Variants in RBPMS observed in about 807,000 individuals in gnomAD.
The protein encoded by RBPMS is RNA binding protein, mRNA processing factor, also known as RNA-binding protein with multiple splicing.
RBPMS carries 7 observed loss-of-function variants against 26.8 expected under a neutral mutation model. The ratio of observed to expected loss-of-function variants is 0.26; its 90% CI spans 0.15 to 0.49. The LOEUF (loss-of-function observed/expected upper bound fraction) is 0.49, where lower values mean the gene tolerates loss of function less well. Among genes scored for constraint, RBPMS ranks in the 20% least tolerant of loss-of-function variants. The pLI is 0.98. For synonymous variants in RBPMS, 96 were observed against 93.3 expected (o/e 1.03, Z -0.17); for missense variants, 186 against 250.0 (o/e 0.74, Z 1.73).
At chr8:30,456,380 G>C (rs1286230467) in intron 1 of RBPMS, among the ~76,000 whole-genome samples, 1 of 49,002 alleles carries the variant, frequency 2.0e-5, no homozygotes, top group African/African-American at 4.8e-5. Flanking sequence ...GTTGAGGGAT[G>C]AGGTGTAAGG....
chr8:30,558,805 G>T (rs930922310), intron 6 of RBPMS, 82 bp from the exon 7 acceptor site: 18 of 1,161,258 alleles, frequency 1.6e-5, no homozygotes, highest in Non-Finnish European at 2.2e-5. Flanking sequence ...CAGTAGGGAA[G>T]TGGTAGCCAA....
At chr8:30,542,613 ATGGGCCACAG>A (rs996911762) in intron 5 of RBPMS, among the ~76,000 whole-genome samples, 1 of 152,236 alleles carries the variant, frequency 6.6e-6, no homozygotes, top group Non-Finnish European at 1.5e-5. Flanking sequence ...ACAGACAAGC[ATGGGCCACAG>A]TGTACTGAGG....
chr8:30,475,157 T>C (rs989613014), intron 2 of RBPMS, among the ~76,000 whole-genome samples: 1 of 152,134 alleles, frequency 6.6e-6, no homozygotes, highest in Non-Finnish European at 1.5e-5. Context: ...ATGAACTGAG[T>C]TAAGAACCTA....
chr8:30,430,485 G>C (rs190793357), intron 1 of RBPMS, among the ~76,000 whole-genome samples: 47 of 152,156 alleles, frequency 3.1e-4, no homozygotes, highest in African/African-American at 1.1e-3. Context: ...AAAACATCTT[G>C]TACTGAGTTT....
At chr8:30,391,707 A>G (rs1175531418) in intron 1 of RBPMS, among the ~76,000 whole-genome samples, 1 of 152,142 alleles carries the variant, frequency 6.6e-6, no homozygotes, top group Non-Finnish European at 1.5e-5. Flanking sequence ...TTATTGCACT[A>G]TATTTTCTAT....
intron 1 of RBPMS, among the ~76,000 whole-genome samples, chr8:30,421,578 A>G (rs1454142266): frequency 6.6e-6 from 1 of 152,192 alleles, no homozygotes; most frequent in Non-Finnish European, 1.5e-5. Flanking sequence ...CAAATTTTCT[A>G]GGTACCTACT....
intron 1 of RBPMS, among the ~76,000 whole-genome samples, chr8:30,392,044 G>A (rs1390220836): frequency 6.6e-6 from 1 of 152,010 alleles, no homozygotes; most frequent in Non-Finnish European, 1.5e-5. Context: ...TTCTAGAGAT[G>A]CCAAGATCTG....
At chr8:30,411,860 C>T (rs755299995) in intron 1 of RBPMS, among the ~76,000 whole-genome samples, 1 of 151,790 alleles carries the variant, frequency 6.6e-6, no homozygotes, top group Non-Finnish European at 1.5e-5. Context: ...GTGGTCTGTG[C>T]CTGTAATCCC....
At chr8:30,524,447 C>A (rs998997007) in intron 5 of RBPMS, among the ~76,000 whole-genome samples, 1 of 152,032 alleles carries the variant, frequency 6.6e-6, no homozygotes, top group Admixed American at 6.5e-5. Context: ...ATGTAGTTTT[C>A]CCCAAGATTA....
chr8:30,476,579 T>C (rs1817715148), intron 2 of RBPMS, among the ~76,000 whole-genome samples: 1 of 152,142 alleles, frequency 6.6e-6, no homozygotes, highest in African/African-American at 2.4e-5. Context: ...GATGTAAGGA[T>C]GAATCAATCT....
chr8:30,418,423 G>C (rs1055628074), intron 1 of RBPMS, among the ~76,000 whole-genome samples: 1 of 151,942 alleles, frequency 6.6e-6, no homozygotes, highest in African/African-American at 2.4e-5. Flanking sequence ...GCTAGAAGAG[G>C]GCATTTCATT....
chr8:30,454,807 T>G (rs557243519), intron 1 of RBPMS, among the ~76,000 whole-genome samples: 2 of 152,312 alleles, frequency 1.3e-5, no homozygotes, highest in Admixed American at 1.3e-4. Flanking sequence ...CTTAAATTCT[T>G]GGGTTTCTTT....
At chr8:30,508,333 C>A (rs1821262674) in intron 5 of RBPMS, among the ~76,000 whole-genome samples, 1 of 152,172 alleles carries the variant, frequency 6.6e-6, no homozygotes, top group Non-Finnish European at 1.5e-5. Context: ...ATCACTATGG[C>A]AGCCCTAGAA....
chr8:30,461,649 C>T (rs1401507292), intron 1 of RBPMS, among the ~76,000 whole-genome samples: 1 of 152,200 alleles, frequency 6.6e-6, no homozygotes, highest in Non-Finnish European at 1.5e-5. Context: ...CCCGCCTTGA[C>T]CTCCCAAAGT....
intron 1 of RBPMS, among the ~76,000 whole-genome samples, chr8:30,408,890 A>G (rs2150572350): frequency 6.6e-6 from 1 of 152,320 alleles, no homozygotes; most frequent in East Asian, 1.9e-4. Context: ...GCAACTGCTG[A>G]TCTGCTTTTT....
At chr8:30,419,331 A>G (rs1305695211) in intron 1 of RBPMS, among the ~76,000 whole-genome samples, 1 of 152,108 alleles carries the variant, frequency 6.6e-6, no homozygotes, top group Non-Finnish European at 1.5e-5. Flanking sequence ...CTGTAGTTTC[A>G]GCTGCTCAGG....
chr8:30,462,266 A>G (rs986754709), intron 1 of RBPMS, among the ~76,000 whole-genome samples: 1 of 152,228 alleles, frequency 6.6e-6, no homozygotes, highest in African/African-American at 2.4e-5. Flanking sequence ...CATCTTTGCC[A>G]TAACCAGTGT....
chr8:30,536,416 C>T (rs936093518), intron 5 of RBPMS, among the ~76,000 whole-genome samples: 2 of 152,104 alleles, frequency 1.3e-5, no homozygotes, highest in African/African-American at 2.4e-5. Context: ...CGTGAGCCAC[C>T]GCGCCTGGCG....
At chr8:30,565,520 G>A (rs1304707799) in intron 7 of RBPMS, 1 of 152,256 alleles carries the variant, frequency 6.6e-6, no homozygotes, top group Non-Finnish European at 1.5e-5. Flanking sequence ...TTCCTTCCCT[G>A]GCACTGGAAT....
Sources: gnomAD v4.1 joint callset for allele counts (sites outside exome capture counted in the v4.1 genomes callset) on GRCh38, gnomAD v4.1.1 for gene constraint, MANE v1.5 for transcripts, NCBI Gene and HGNC (gene_info 2026-07-23, HGNC 2026-07-21) for gene names.